Variants in TMPRSS12 observed in about 807,000 individuals in gnomAD.
TMPRSS12 encodes the protein transmembrane protease serine 12.
Under a neutral mutation model 26.0 loss-of-function variants are expected in TMPRSS12, and 25 were observed. That is an observed-to-expected ratio of 0.96 (90% CI 0.70 to 1.34). The LOEUF (loss-of-function observed/expected upper bound fraction) is 1.34, where lower values mean the gene tolerates loss of function less well. Among genes scored for constraint, TMPRSS12 ranks in the 40% most tolerant of loss-of-function variants. TMPRSS12 has a pLI of 0.00. For synonymous variants in TMPRSS12, 150 were observed against 161.7 expected (o/e 0.93, Z 0.55); for missense variants, 441 against 440.1 (o/e 1.00, Z -0.02).
chr12:50,886,082 A>G (rs1938223644), intron 4 of TMPRSS12: 2 of 152,150 alleles, frequency 1.3e-5, no homozygotes, highest in Non-Finnish European at 2.9e-5. Flanking sequence ...GCATGTATTT[A>G]TTAGCCATTT....
chr12:50,847,057 C>CTTTTTTTT (rs547352999), intron 2 of TMPRSS12, among the ~76,000 whole-genome samples: 1 of 109,922 alleles, frequency 9.1e-6, no homozygotes, highest in Non-Finnish European at 1.7e-5. Context: ...AGTCTAAAAA[C>CTTTTTTTT]TTTTTTTTTT....
At chr12:50,885,499 T>C in intron 4 of TMPRSS12, 111 bp downstream of exon 4, 2 of 1,270,106 alleles carry the variant, frequency 1.6e-6, no homozygotes, top group Non-Finnish European at 2.3e-6. Context: ...CTAAAAATAA[T>C]AAATCATTTT....
intron 2 of TMPRSS12, among the ~76,000 whole-genome samples, chr12:50,855,402 A>G (rs1277300311): frequency 6.6e-6 from 1 of 152,218 alleles, no homozygotes; most frequent in East Asian, 1.9e-4. Context: ...AGCGAAGGAC[A>G]TGAACAGACA....
At chr12:50,872,707 G>GCACATATATATGACGTATATA (rs1938065937) in intron 3 of TMPRSS12, among the ~76,000 whole-genome samples, 1 of 16,434 alleles carries the variant, frequency 6.1e-5, no homozygotes, top group African/African-American at 2.0e-4. Context: ...TGACGTATAT[G>GCACATATATATGACGTATATA]TGTACATATA....
At chr12:50,877,506 A>T (rs931664297) in intron 3 of TMPRSS12, among the ~76,000 whole-genome samples, 6 of 152,266 alleles carry the variant, frequency 3.9e-5, no homozygotes, top group African/African-American at 1.4e-4. Context: ...AAGTTCGTTG[A>T]GGTTATAGGA....
intron 2 of TMPRSS12, among the ~76,000 whole-genome samples, chr12:50,853,165 G>C (rs980805056): frequency 6.6e-6 from 1 of 151,998 alleles, no homozygotes; most frequent in African/African-American, 2.4e-5. Flanking sequence ...AGAAATCAAT[G>C]CCACCATCTC....
At chr12:50,878,562 CAAT>C (rs1938134677) in intron 3 of TMPRSS12, among the ~76,000 whole-genome samples, 1 of 151,952 alleles carries the variant, frequency 6.6e-6, no homozygotes, top group Non-Finnish European at 1.5e-5. Flanking sequence ...TTGGGTAACA[CAAT>C]GAGACCATCT....
rs1262747775 is a variant in TMPRSS12, at chr12:50,843,840, A to C, written c.188-2A>C. Reference sequence around the variant, plus strand: ...CAAATAATATATCATTTTTATTTTTAGATTGTGGAACAGCACCGCTTAAGG... The same window carrying C: ...CAAATAATATATCATTTTTATTTTTCGATTGTGGAACAGCACCGCTTAAGG... On this transcript the variant is annotated splice_acceptor_variant, in intron 1 of 4. Transcript: ENST00000398458. LOFTEE classifies it high-confidence loss of function. 1.3e-6 allele frequency: 2 copies of C among 1,550,346 alleles called. No individual in the cohort carries two copies. Among genetic ancestry groups the C allele is most frequent in the African/African-American group, 1.4e-5 (1 of 73,082 alleles).
Position 50,872,887 on chromosome 12 carries a change from GTATATATGTA to G in TMPRSS12, c.653-12358_653-12349del. ...GACTATATATGTACATATATATGAC[GTATATATGTA>G]CATATATATGACTATATATGTACAT... On this transcript the variant is annotated intron_variant, in intron 3 of 4. Coordinates refer to ENST00000398458, the MANE Select transcript of TMPRSS12 (RefSeq NM_182559.3). Among the ~76,000 whole-genome samples, 3 of 68,444 alleles carry G rather than the reference GTATATATGTA, an allele frequency of 4.4e-5. 1 individual carries two copies. Among genetic ancestry groups the G allele is most frequent in the African/African-American group, 2.4e-4 (3 of 12,610 alleles). The allele number at this position is 68,444 out of a possible 152,430, so 44.9% of individuals were successfully genotyped here. A position where few individuals can be genotyped will look rare whatever the true frequency, so the allele number is the denominator to read the frequency against.
intron 4 of TMPRSS12, 174 bp downstream of exon 4, chr12:50,885,562 T>C (rs768453463): frequency 8.6e-5 from 67 of 780,634 alleles, no homozygotes; most frequent in Non-Finnish European, 1.3e-4. Flanking sequence ...CCTGATTCCA[T>C]GGTTTCTGCT....
chr12:50,864,282 A>C (rs1377587635), intron 3 of TMPRSS12, among the ~76,000 whole-genome samples: 1 of 152,232 alleles, frequency 6.6e-6, no homozygotes, highest in Non-Finnish European at 1.5e-5. Flanking sequence ...ACCCAACTTC[A>C]TCTAAGGCTT....
intron 3 of TMPRSS12, among the ~76,000 whole-genome samples, chr12:50,860,340 C>T (rs554032833): frequency 7.9e-4 from 121 of 152,294 alleles, no homozygotes; most frequent in African/African-American, 2.8e-3. Context: ...GACACAGTCT[C>T]TTTGGTAATA....
At chr12:50,846,309 T>G (rs1434281470) in intron 2 of TMPRSS12, among the ~76,000 whole-genome samples, 1 of 152,180 alleles carries the variant, frequency 6.6e-6, no homozygotes, top group Non-Finnish European at 1.5e-5. Flanking sequence ...TTTGAGTCCA[T>G]TTTTGCATAA....
At chr12:50,848,522 T>C (rs1178635046) in intron 2 of TMPRSS12, among the ~76,000 whole-genome samples, 5 of 152,346 alleles carry the variant, frequency 3.3e-5, no homozygotes, top group Middle Eastern at 3.4e-3. Flanking sequence ...TTGTCTGCCC[T>C]TTTTCTCCCT....
chr12:50,882,906 T>C (rs1385525405), intron 3 of TMPRSS12, among the ~76,000 whole-genome samples: 1 of 152,176 alleles, frequency 6.6e-6, no homozygotes, highest in African/African-American at 2.4e-5. Context: ...TCCAGCTCAG[T>C]GTATGAAATA....
At chr12:50,860,593 TTATG>T (rs892366043) in intron 3 of TMPRSS12, among the ~76,000 whole-genome samples, 7 of 151,884 alleles carry the variant, frequency 4.6e-5, no homozygotes, top group African/African-American at 1.7e-4. Context: ...TTAAAACGTA[TTATG>T]TATGTATAGA....
chr12:50,844,476 C>T (rs1355333905), intron 2 of TMPRSS12, among the ~76,000 whole-genome samples: 1 of 151,822 alleles, frequency 6.6e-6, no homozygotes, highest in African/African-American at 2.4e-5. Context: ...TGGGTTCATG[C>T]GATTCTTCTG....
Position 50,843,065 on chromosome 12 carries a change from C to A in TMPRSS12, c.101C>A (p.Ser34Ter). 6.3e-7 allele frequency: 1 copy of A among 1,593,476 alleles called. No homozygotes were observed. Among genetic ancestry groups the A allele is most frequent in the Non-Finnish European group, 8.5e-7 (1 of 1,170,590 alleles). Reference protein sequence around the residue: ...SPSGRHRLGPSPEPAASSQQA... With the variant: ...SPSGRHRLGP The stretch of plus-strand genomic sequence containing the variant: ...TCTGGAAGGCACAGGCTCGGCCCCT[C>A]GCCGGAACCGGCGGCTAGTTCCCAG... The change falls in exon 1 of 5, where the codon TCG becomes TAG. Residue 34 changes from serine (S) to a stop codon, truncating the protein, a stop_gained. Transcript: ENST00000398458. LOFTEE classifies it high-confidence loss of function.
At chr12:50,878,009 T>C (rs1938128361) in intron 3 of TMPRSS12, among the ~76,000 whole-genome samples, 1 of 152,128 alleles carries the variant, frequency 6.6e-6, no homozygotes, top group South Asian at 2.1e-4. Flanking sequence ...TTAGAGAAAT[T>C]AAAGAAGACT....
Sources: gnomAD v4.1 joint callset for allele counts (sites outside exome capture counted in the v4.1 genomes callset) on GRCh38, gnomAD v4.1.1 for gene constraint, MANE v1.5 for transcripts, NCBI Gene and HGNC (gene_info 2026-07-23, HGNC 2026-07-21) for gene names.